KCNIP4: variants seen among roughly 807,000 people sequenced by gnomAD.
KCNIP4 encodes Kv channel-interacting protein 4.
A neutral mutation model predicts 34.0 loss-of-function variants in KCNIP4; 12 were observed. That is an observed-to-expected ratio of 0.35 (90% CI 0.23 to 0.57). The LOEUF is 0.57. KCNIP4 is among the 20% of genes least tolerant of loss of function. KCNIP4 has a pLI of 0.83. For missense variants in KCNIP4, 238 were observed against 311.7 expected (o/e 0.76, Z 1.78); for synonymous variants, 124 against 102.2 (o/e 1.21, Z -1.29).
At position 21,785,553 on chromosome 4, in the gene KCNIP4, C is replaced by T. The variant is rs568259718; in HGVS notation, c.61+163018G>A. 8.0e-5 allele frequency among the ~76,000 whole-genome samples: 12 copies of T among 150,694 alleles called. No individual in the cohort carries two copies. In the South Asian group the frequency reaches 2.3e-3, roughly 29 times the overall value. ...GTTGCAGTGAGCCGAGATTGCACCC[C>T]TGCACTCCAGCCTGGGTCAAAGAGT... On this transcript the variant is annotated intron_variant, in intron 1 of 8. Coordinates refer to ENST00000382152, the MANE Select transcript of KCNIP4 (RefSeq NM_025221.6).
intron 1 of KCNIP4, among the ~76,000 whole-genome samples, chr4:21,019,317 G>A (rs1025518183): frequency 6.6e-6 from 1 of 151,790 alleles, no homozygotes; most frequent in Non-Finnish European, 1.5e-5. Flanking sequence ...CACCACGTCC[G>A]GCTAATTTTT....
chr4:21,373,438 GACTT>G (rs1392171583), intron 1 of KCNIP4, among the ~76,000 whole-genome samples: 3 of 147,626 alleles, frequency 2.0e-5, no homozygotes, highest in Non-Finnish European at 4.4e-5. Flanking sequence ...AGGTCTGAGA[GACTT>G]ACAGAAGTTT....
chr4:20,731,523 G>A, intron 8 of KCNIP4: 1 of 985,362 alleles, frequency 1.0e-6, no homozygotes, highest in Non-Finnish European at 1.2e-6. Context: ...AAGACCATTA[G>A]TGAGTTCAGT....
intron 1 of KCNIP4, among the ~76,000 whole-genome samples, chr4:20,886,989 G>A (rs905713786): frequency 3.9e-5 from 6 of 152,106 alleles, no homozygotes; most frequent in East Asian, 1.9e-4. Flanking sequence ...AGGTAGCACA[G>A]ATGTTGGAAG....
chr4:20,977,140 A>G (rs1461579873), intron 1 of KCNIP4, among the ~76,000 whole-genome samples: 1 of 152,104 alleles, frequency 6.6e-6, no homozygotes, highest in East Asian at 1.9e-4. Flanking sequence ...GCCAAACATG[A>G]ACTTTAAACC....
intron 1 of KCNIP4, among the ~76,000 whole-genome samples, chr4:20,991,875 C>T (rs1265958031): frequency 6.6e-6 from 1 of 152,110 alleles, no homozygotes; most frequent in East Asian, 1.9e-4. Flanking sequence ...CAGGGCCTTG[C>T]TGCCATAGAT....
intron 3 of KCNIP4, among the ~76,000 whole-genome samples, chr4:20,785,504 T>C (rs1711858964): frequency 6.6e-6 from 1 of 152,084 alleles, no homozygotes; most frequent in East Asian, 1.9e-4. Context: ...GGATGGTGTG[T>C]GCTGATCCAC....
chr4:21,714,800 T>G (rs1348233000), intron 1 of KCNIP4, among the ~76,000 whole-genome samples: 2 of 200 alleles, frequency 0.01, no homozygotes, highest in African/African-American at 0.062. Flanking sequence ...TTTTATTTTA[T>G]TTTATTTTAT....
chr4:21,207,139 AAGAAG>A (rs145612876), intron 1 of KCNIP4, among the ~76,000 whole-genome samples: 4,959 of 152,264 alleles, frequency 0.033, 131 homozygotes, highest in South Asian at 0.16. Flanking sequence ...ATTTTACAGA[AAGAAG>A]AGAATTCTCT....
chr4:21,712,780 T>A (rs185177343), intron 1 of KCNIP4, among the ~76,000 whole-genome samples: 2,375 of 152,208 alleles, frequency 0.016, 62 homozygotes, highest in African/African-American at 0.052. Context: ...TCAGAGATTT[T>A]TAAAAAAAAA....
chr4:21,921,854 G>A (rs1035229674), intron 1 of KCNIP4, among the ~76,000 whole-genome samples: 2 of 152,108 alleles, frequency 1.3e-5, no homozygotes, highest in African/African-American at 4.8e-5. Context: ...ATCAGCCAGA[G>A]TGGTCTTTTT....
intron 1 of KCNIP4, among the ~76,000 whole-genome samples, chr4:21,628,979 T>A (rs1444698812): frequency 6.6e-6 from 1 of 152,202 alleles, no homozygotes; most frequent in African/African-American, 2.4e-5. Context: ...CAAAAGTATA[T>A]ACATTTAAAG....
intron 1 of KCNIP4, among the ~76,000 whole-genome samples, chr4:21,168,254 G>A (rs1320850239): frequency 1.3e-5 from 2 of 152,096 alleles, no homozygotes; most frequent in Admixed American, 1.3e-4. Flanking sequence ...TGTTAACTAG[G>A]AGTCCTTATC....
intron 2 of KCNIP4, 126 bp downstream of exon 2, chr4:20,882,482 T>A (rs1050252922): frequency 4.3e-5 from 29 of 681,960 alleles, no homozygotes; most frequent in Non-Finnish European, 1.0e-5. Flanking sequence ...TAGGTAAACA[T>A]GAGTACATCA....
intron 1 of KCNIP4, among the ~76,000 whole-genome samples, chr4:21,220,234 TACC>T (rs1353654927): frequency 1.3e-5 from 2 of 152,300 alleles, no homozygotes; most frequent in African/African-American, 4.8e-5. Context: ...ATGTGATACA[TACC>T]ACCAGCTCTA....
chr4:21,200,576 C>G (rs1356737226), intron 1 of KCNIP4, among the ~76,000 whole-genome samples: 3 of 151,382 alleles, frequency 2.0e-5, no homozygotes, highest in Non-Finnish European at 4.4e-5. Context: ...TAAGTGGGAG[C>G]TAAACTATGG....
intron 1 of KCNIP4, among the ~76,000 whole-genome samples, chr4:21,922,350 C>T (rs959663949): frequency 1.3e-4 from 20 of 152,174 alleles, no homozygotes; most frequent in African/African-American, 4.6e-4. Flanking sequence ...TTTGTCATTG[C>T]TGTGTGCCTG....
At chr4:21,219,129 G>T (rs568008283) in intron 1 of KCNIP4, among the ~76,000 whole-genome samples, 1 of 152,116 alleles carries the variant, frequency 6.6e-6, no homozygotes, top group South Asian at 2.1e-4. Flanking sequence ...ATGCAACCCA[G>T]CAAACCCAGC....
chr4:21,457,868 C>T (rs1014437103), intron 1 of KCNIP4, among the ~76,000 whole-genome samples: 6 of 152,182 alleles, frequency 3.9e-5, no homozygotes, highest in Non-Finnish European at 7.4e-5. Flanking sequence ...TAGACATACA[C>T]ACATACAAAA....
Sources: gnomAD v4.1 joint callset for allele counts (sites outside exome capture counted in the v4.1 genomes callset) on GRCh38, gnomAD v4.1.1 for gene constraint, MANE v1.5 for transcripts, NCBI Gene and HGNC (gene_info 2026-07-23, HGNC 2026-07-21) for gene names.